Variants in UACA observed in about 807,000 individuals in gnomAD.
UACA encodes uveal autoantigen with coiled-coil domains and ankyrin repeats.
UACA carries 112 observed loss-of-function variants against 160.5 expected under a neutral mutation model. The ratio of observed to expected loss-of-function variants is 0.70; its 90% CI spans 0.60 to 0.82. The LOEUF (loss-of-function observed/expected upper bound fraction) is 0.82, where lower values mean the gene tolerates loss of function less well. UACA is among the 40% of genes least tolerant of loss of function. The pLI is 0.00. For missense variants in UACA, 1,574 were observed against 1,614.6 expected (o/e 0.97, Z 0.43); for synonymous variants, 557 against 568.4 (o/e 0.98, Z 0.29).
chr15:70,693,716 C>T (rs1204063655), intron 3 of UACA, among the ~76,000 whole-genome samples: 1 of 151,870 alleles, frequency 6.6e-6, no homozygotes, highest in Non-Finnish European at 1.5e-5. Flanking sequence ...AGATTAGCCA[C>T]TAGGCAAAAT....
At chr15:70,744,298 C>CCTTAGG (rs1899633741) in intron 1 of UACA, among the ~76,000 whole-genome samples, 1 of 148,138 alleles carries the variant, frequency 6.8e-6, no homozygotes, top group South Asian at 2.2e-4. Flanking sequence ...AGGATACAAA[C>CCTTAGG]CTTAGGCTGT....
rs976031048 is a variant in UACA, at chr15:70,669,947, A to G, written c.1222-485T>C. Among the ~76,000 whole-genome samples, 6 of 152,244 alleles carry G rather than the reference A, an allele frequency of 3.9e-5. No homozygotes were observed. The East Asian group carries it at 9.6e-4, about 24-fold the overall frequency. On this transcript the variant is annotated intron_variant, in intron 15 of 18. Coordinates refer to ENST00000322954, the MANE Select transcript of UACA (RefSeq NM_018003.4). ...TTTCATAGAATTATAGATTTAACTA[A>G]TAAGATTTTTGACTTCTGCGTACCT...
At chr15:70,721,344 G>T (rs533347504) in intron 1 of UACA, among the ~76,000 whole-genome samples, 1 of 152,208 alleles carries the variant, frequency 6.6e-6, no homozygotes, top group African/African-American at 2.4e-5. Context: ...CTACAGTTGC[G>T]GATGGGCGCG....
At chr15:70,721,120 AG>A (rs1459991930) in intron 1 of UACA, among the ~76,000 whole-genome samples, 1 of 152,192 alleles carries the variant, frequency 6.6e-6, no homozygotes, top group African/African-American at 2.4e-5. Context: ...AAAAGGTTAA[AG>A]GGGGAGGAAT....
chr15:70,757,115 CCT>C (rs1468309442), intron 1 of UACA, among the ~76,000 whole-genome samples: 1 of 152,118 alleles, frequency 6.6e-6, no homozygotes, highest in African/African-American at 2.4e-5. Flanking sequence ...ATAGGTTTCT[CCT>C]CTTTTTCCTT....
chr15:70,763,335 TGGC>T lies in UACA; in HGVS notation c.70_72del (p.Ala24del), dbSNP rs1157740758. ...GCCCGGACCGCGGGACTCACCGCGC[TGGC>T]GGCGGCGGCGCCAGACGACGCGGGG... is the stretch of plus-strand genomic sequence containing the variant. On this transcript the variant is annotated inframe_deletion, in exon 1 of 19. Coordinates refer to ENST00000322954, the MANE Select transcript of UACA (RefSeq NM_018003.4). 13 of 1,333,730 alleles carry T rather than the reference TGGC, an allele frequency of 9.7e-6. No homozygotes were observed. Among genetic ancestry groups the T allele is most frequent in the South Asian group, 4.0e-5 (2 of 50,438 alleles). 82.6% of individuals were successfully genotyped at this position (1,333,730 alleles called of 1,614,324 possible).
rs1327281597 is a variant in UACA, at chr15:70,668,118, T to C, written c.2566A>G (p.Ser856Gly). The C allele has an allele frequency of 6.2e-7, 1 of 1,613,732 alleles. No individual in the cohort carries two copies. Among genetic ancestry groups the C allele is most frequent in the Non-Finnish European group, 8.5e-7 (1 of 1,179,926 alleles). The change falls in exon 16 of 19, where the codon AGT (serine) becomes GGT (glycine). Residue 856 changes from serine to glycine, a missense_variant. By Grantham distance (56) the Ser-to-Gly change is moderately conservative. Transcript: ENST00000322954. Reference sequence around the variant, plus strand: ...GTTTTAACTGGCACATACTGATTACTCATCATCTTCTTCAAGTTAGTGTTT... The same window carrying C: ...GTTTTAACTGGCACATACTGATTACCCATCATCTTCTTCAAGTTAGTGTTT... ...SENTNLKKMM[S>G]NQYVPVKTHE...
intron 1 of UACA, among the ~76,000 whole-genome samples, chr15:70,736,761 T>C (rs1899380594): frequency 6.6e-6 from 1 of 152,134 alleles, no homozygotes; most frequent in Non-Finnish European, 1.5e-5. Flanking sequence ...TAAATAATAT[T>C]TTCTGTATTT....
Position 70,736,779 on chromosome 15 carries a change from T to C in UACA, c.78+26551A>G, listed in dbSNP as rs574638872. On this transcript the variant is annotated intron_variant, in intron 1 of 18. Transcript: ENST00000322954. ...ATAATATTTTCTGTATTTGAGAAAT[T>C]ATGGAACTTAAAGTTCAACAAATTT... Among the ~76,000 whole-genome samples the C allele has an allele frequency of 2.6e-5, 4 of 152,308 alleles. No individual in the cohort carries two copies. The South Asian group carries it at 8.3e-4, about 32-fold the overall frequency.
At chr15:70,692,336 A>T (rs1897968577) in intron 3 of UACA, among the ~76,000 whole-genome samples, 1 of 152,006 alleles carries the variant, frequency 6.6e-6, no homozygotes, top group African/African-American at 2.4e-5. Context: ...TAATTTGTTT[A>T]ATTTTGTGTA....
At position 70,669,136 on chromosome 15, in the gene UACA, C is replaced by T. The variant is rs1337290879; in HGVS notation, c.1548G>A (p.Met516Ile). 8.7e-6 allele frequency: 14 copies of T among 1,613,950 alleles called. No individual in the cohort carries two copies. Among genetic ancestry groups the T allele is most frequent in the Non-Finnish European group, 1.1e-5 (13 of 1,180,014 alleles). The change falls in exon 16 of 19, where the codon ATG becomes ATA. Residue 516 changes from methionine to isoleucine, a missense_variant. By Grantham distance (10) the Met-to-Ile change is conservative. Coordinates refer to ENST00000322954, the MANE Select transcript of UACA (RefSeq NM_018003.4). The part of the protein sequence containing the change: ...MYESEGKVKQ[M>I]QTHFLALKEH... ...CTTTAAGGGCAAGAAAATGGGTCTG[C>T]ATTTGTTTAACTTTACCTTCTGACT... is the stretch of plus-strand genomic sequence containing the variant.
intron 1 of UACA, chr15:70,701,928 G>C (rs968391163): frequency 5.0e-6 from 8 of 1,612,934 alleles, no homozygotes; most frequent in South Asian, 1.1e-5. Context: ...ACAGGATTTA[G>C]TTTCTTGTTG....
the UACA span, among the ~76,000 whole-genome samples, chr15:70,776,982 G>A: frequency 6.6e-6 from 1 of 152,130 alleles, no homozygotes; most frequent in Non-Finnish European, 1.5e-5. Flanking sequence ...GTGCCTAGCA[G>A]GGTATCATAA....
At chr15:70,746,201 T>C (rs977048568) in intron 1 of UACA, among the ~76,000 whole-genome samples, 1 of 152,056 alleles carries the variant, frequency 6.6e-6, no homozygotes, top group East Asian at 1.9e-4. Flanking sequence ...ACAGGCAACA[T>C]ACAGAATGGG....
intron 4 of UACA, among the ~76,000 whole-genome samples, chr15:70,691,025 T>G (rs1897915777): frequency 6.6e-6 from 1 of 152,188 alleles, no homozygotes; most frequent in African/African-American, 2.4e-5. Flanking sequence ...TCCACGATAG[T>G]CTAGACAACA....
rs1428584780 is a variant in UACA, at chr15:70,668,916, G to A, written c.1768C>T (p.Arg590Ter). Reference protein sequence around the residue: ...DEGKLIEENKRLQKELSMCEM... With the variant: ...DEGKLIEENK Reference sequence around the variant, plus strand: ...CACATACTAAGTTCCTTCTGTAATCGCTTATTTTCTTCTATCAGCTTGCCT... The same window carrying A: ...CACATACTAAGTTCCTTCTGTAATCACTTATTTTCTTCTATCAGCTTGCCT... Residue 590 changes from arginine to a stop codon, truncating the protein, a stop_gained, in exon 16 of 19, where the codon CGA (arginine) becomes TGA (stop). Coordinates refer to ENST00000322954, the MANE Select transcript of UACA (RefSeq NM_018003.4). LOFTEE classifies it high-confidence loss of function. 1.2e-6 allele frequency: 2 copies of A among 1,612,964 alleles called. No individual in the cohort carries two copies. Among genetic ancestry groups the A allele is most frequent in the Non-Finnish European group, 8.5e-7 (1 of 1,179,854 alleles).
At chr15:70,749,283 T>G (rs909846750) in intron 1 of UACA, 1 of 397,290 alleles carries the variant, frequency 2.5e-6, no homozygotes, top group African/African-American at 2.1e-5. Flanking sequence ...TCCCAGCACT[T>G]TGGGAGGCCG....
At position 70,684,331 on chromosome 15, in the gene UACA, C is replaced by G. The variant is rs776532990; in HGVS notation, c.718G>C (p.Ala240Pro). 1 of 1,613,748 alleles carries G rather than the reference C, an allele frequency of 6.2e-7. No homozygotes were observed. Among genetic ancestry groups the G allele is most frequent in the South Asian group, 1.1e-5 (1 of 91,022 alleles). The change falls in exon 8 of 19, where the codon GCA becomes CCA. Residue 240 changes from alanine to proline, a missense_variant. Transcript: ENST00000322954. The part of the protein sequence containing the change: ...DALGHDSSYY[A>P]RIGDNLDILT... ...ATGTCCAGATTGTCACCAATTCTTG[C>G]ATAGTAAGAACTATCATGGCCAAGC...
intron 1 of UACA, among the ~76,000 whole-genome samples, chr15:70,744,226 G>A (rs1389508709): frequency 7.0e-6 from 1 of 142,490 alleles, no homozygotes; most frequent in African/African-American, 2.7e-5. Flanking sequence ...TCCAGCCTGG[G>A]CGACAGAGCA....
Sources: allele counts gnomAD v4.1 joint callset (sites outside exome capture counted in the v4.1 genomes callset), GRCh38; gene constraint gnomAD v4.1.1; transcripts MANE v1.5; gene names NCBI Gene and HGNC (gene_info 2026-07-23, HGNC 2026-07-21).